The following PLD1 variants were observed in gnomAD, a reference collection of about 807,000 sequenced individuals.
PLD1 encodes the protein choline phosphatase 1.
PLD1 carries 112 observed loss-of-function variants against 137.1 expected under a neutral mutation model. The observed-to-expected ratio is 0.82, with a 90% CI of 0.70 to 0.96. PLD1 has a LOEUF of 0.96. Among genes scored for constraint, PLD1 ranks in the 40% least tolerant of loss-of-function variants. PLD1 has a pLI of 0.00. For missense variants in PLD1, 1,321 were observed against 1,342.0 expected, an observed-to-expected ratio of 0.98 and a Z score of 0.24; for synonymous variants, 431 against 454.7, an observed-to-expected ratio of 0.95 and a Z score of 0.66.
chr3:171,624,365 A>C (rs187481258), intron 23 of PLD1, among the ~76,000 whole-genome samples: 3 of 152,272 alleles, frequency 2.0e-5, no homozygotes. Flanking sequence ...AAAGTACGAC[A>C]ACATATTCTG....
Position 171,603,120 on chromosome 3 carries a change from A to G in PLD1, c.3183T>C (p.Val1061=). The change falls in exon 27 of 27, where the codon GTT becomes GTC. Residue 1061 remains valine, a synonymous_variant. Coordinates refer to ENST00000351298, the MANE Select transcript of PLD1 (RefSeq NM_002662.5). ...FLSEESLLPS[V]GTKEAIVPME... ...TGGGCACTATGGCCTCTTTGGTCCC[A>G]ACAGAAGGCAGTAGGCTTTCTTCAG... The G allele has an allele frequency of 1.2e-6, 2 of 1,614,040 alleles. No individual in the cohort carries two copies. Among genetic ancestry groups the G allele is most frequent in the Non-Finnish European group, 1.7e-6 (2 of 1,179,982 alleles).
chr3:171,690,907 AT>A (rs2108517752), intron 13 of PLD1, among the ~76,000 whole-genome samples: 1 of 152,330 alleles, frequency 6.6e-6, no homozygotes, highest in African/African-American at 2.4e-5. Flanking sequence ...TGCTCTAACC[AT>A]TACTGAGAGT....
intron 21 of PLD1, among the ~76,000 whole-genome samples, chr3:171,648,389 T>G (rs1293298629): frequency 6.6e-6 from 1 of 152,224 alleles, no homozygotes; most frequent in Non-Finnish European, 1.5e-5. Flanking sequence ...GGGCAACTCC[T>G]GTTAACAGTT....
chr3:171,798,855 C>G (rs1723530549), intron 1 of PLD1, among the ~76,000 whole-genome samples: 1 of 152,138 alleles, frequency 6.6e-6, no homozygotes, highest in Non-Finnish European at 1.5e-5. Context: ...GTCAGCCATG[C>G]TGGGATGGGC....
At chr3:171,760,358 TTTC>T (rs979833074) in intron 1 of PLD1, among the ~76,000 whole-genome samples, 1 of 152,234 alleles carries the variant, frequency 6.6e-6, no homozygotes, top group Non-Finnish European at 1.5e-5. Flanking sequence ...TTAGAATGGA[TTTC>T]TTGCTAATCA....
intron 23 of PLD1, among the ~76,000 whole-genome samples, chr3:171,622,292 T>C (rs1487918502): frequency 6.6e-6 from 1 of 152,232 alleles, no homozygotes; most frequent in Non-Finnish European, 1.5e-5. Flanking sequence ...AGCAGATTCC[T>C]GTGACTCTTC....
chr3:171,618,322 T>A (rs1254277511), intron 24 of PLD1, among the ~76,000 whole-genome samples: 4 of 152,250 alleles, frequency 2.6e-5, no homozygotes, highest in Admixed American at 2.0e-4. Flanking sequence ...TATTTAACTG[T>A]TAGCTCTGTT....
Position 171,687,550 on chromosome 3 carries a change from A to C in PLD1, c.1574T>G (p.Leu525Arg), listed in dbSNP as rs1246783616. ...TTGAACAGGCTCATTTTTATCTTTG[A>C]GTCTTAAGGATTCCATAGACTCCAT... ...AAMESMESLR[L>R]KDKNEPVQNL... Residue 525 changes from leucine (L) to arginine (R), a missense_variant, in exon 15 of 27, where the codon CTC becomes CGC. Coordinates refer to ENST00000351298, the MANE Select transcript of PLD1 (RefSeq NM_002662.5). 6.2e-7 allele frequency: 1 copy of C among 1,613,936 alleles called. No homozygotes were observed. The highest frequency in any genetic ancestry group is 8.5e-7 in the Non-Finnish European group (1 of 1,179,976).
At chr3:171,652,679 G>A (rs1302160408) in intron 21 of PLD1, among the ~76,000 whole-genome samples, 1 of 150,656 alleles carries the variant, frequency 6.6e-6, no homozygotes, top group East Asian at 1.9e-4. Context: ...ATGGCGCACT[G>A]CAGCCTTCAC....
intron 23 of PLD1, 68 bp downstream of exon 23, chr3:171,642,772 T>C (rs1735875328): frequency 3.5e-6 from 3 of 848,438 alleles, no homozygotes; most frequent in Admixed American, 4.6e-5. Flanking sequence ...TGTGAAAACA[T>C]TAATGATTAC....
chr3:171,779,354 T>G (rs959793371), intron 1 of PLD1, among the ~76,000 whole-genome samples: 5 of 152,076 alleles, frequency 3.3e-5, no homozygotes, highest in Non-Finnish European at 7.4e-5. Context: ...TGGGTCGTGA[T>G]GCAGAGTGTA....
chr3:171,737,935 CT>C lies in PLD1; in HGVS notation c.116del (p.Glu39GlyfsTer2), dbSNP rs1358699489. On this transcript the variant is annotated frameshift_variant, in exon 2 of 27. Transcript: ENST00000351298. LOFTEE classifies it high-confidence loss of function. The part of the protein sequence containing the change: ...DTRELHFEGE[E>X]VDYDVSPSDP... ...CGCTGGGAGACACGTCGTAGTCTAC[CT>C]CCTCTCCCTCAAAGTGGAGTTCCCG... 1 of 1,613,920 alleles carries C rather than the reference CT, an allele frequency of 6.2e-7. No homozygotes were observed. The highest frequency in any genetic ancestry group is 1.7e-5 in the Admixed American group (1 of 59,996).
In PLD1 at chr3:171,747,271, C is replaced by A. The variant is rs557527845; in HGVS notation, c.-31-9189G>T. ...GAACCCACCAATTTCAGACACAATA[C>A]TAGGGCAGGTTAAGTTGCTGGCAGA... On this transcript the variant is annotated intron_variant, in intron 1 of 26. Transcript: ENST00000351298. 1.2e-4 allele frequency among the ~76,000 whole-genome samples: 18 copies of A among 152,318 alleles called. No homozygotes were observed. The South Asian group carries it at 2.1e-3, about 18-fold the overall frequency.
intron 16 of PLD1, among the ~76,000 whole-genome samples, chr3:171,684,620 G>T (rs765672395): frequency 6.6e-5 from 10 of 152,102 alleles, no homozygotes; most frequent in African/African-American, 1.4e-4. Flanking sequence ...GTGTGAGAGA[G>T]GGTCTCCCTC....
intron 23 of PLD1, among the ~76,000 whole-genome samples, chr3:171,627,606 G>A (rs866623195): frequency 4.6e-5 from 7 of 151,992 alleles, no homozygotes; most frequent in Non-Finnish European, 1.5e-5. Context: ...CCACATAGTT[G>A]GAAGTAAAGC....
chr3:171,643,580 T>C (rs938881111), intron 22 of PLD1, among the ~76,000 whole-genome samples: 1 of 152,138 alleles, frequency 6.6e-6, no homozygotes, highest in Non-Finnish European at 1.5e-5. Context: ...TTTTTGTTTC[T>C]GAACAAAAGC....
intron 3 of PLD1, 23 bp downstream of exon 3, chr3:171,737,509 G>C (rs748251655): frequency 6.7e-5 from 106 of 1,587,674 alleles, no homozygotes; most frequent in Non-Finnish European, 9.0e-5. Flanking sequence ...AAGAAAAAAG[G>C]GTGAGTCCAT....
At chr3:171,626,621 A>ATTTGCTTTACAGACAAGCAAATGCTGAG (rs1560157237) in intron 23 of PLD1, among the ~76,000 whole-genome samples, 12 of 152,024 alleles carry the variant, frequency 7.9e-5, no homozygotes, top group African/African-American at 2.9e-4. Flanking sequence ...GGTTACCCAC[A>ATTTGCTTTACAGACAAGCAAATGCTGAG]AAGGGAAGCC....
At chr3:171,764,902 A>G (rs1721787273) in intron 1 of PLD1, among the ~76,000 whole-genome samples, 1 of 32,866 alleles carries the variant, frequency 3.0e-5, no homozygotes, top group Non-Finnish European at 6.8e-5. Flanking sequence ...AAAGGAAGGA[A>G]GGAAGGAAGG....
Sources: allele counts gnomAD v4.1 joint callset (sites outside exome capture counted in the v4.1 genomes callset), GRCh38; gene constraint gnomAD v4.1.1; transcripts MANE v1.5; gene names NCBI Gene and HGNC (gene_info 2026-07-23, HGNC 2026-07-21).